Variants in FHIT observed in about 807,000 individuals in gnomAD.
FHIT encodes the protein bis(5'-adenosyl)-triphosphatase.
In FHIT, 19 loss-of-function variants were observed where a neutral mutation model predicts 17.9. That is an observed-to-expected ratio of 1.06 (90% confidence interval 0.74 to 1.56). The LOEUF is 1.56. Among genes scored for constraint, FHIT ranks in the 40% most tolerant of loss-of-function variants. FHIT has a pLI of 0.00. For missense variants in FHIT, 248 were observed against 189.2 expected, an observed-to-expected ratio of 1.31 and a Z score of -1.82; for synonymous variants, 81 against 69.7, an observed-to-expected ratio of 1.16 and a Z score of -0.81.
chr3:60,737,235 A>C (rs918938560), intron 4 of FHIT, among the ~76,000 whole-genome samples: 7 of 152,348 alleles, frequency 4.6e-5, no homozygotes, highest in Non-Finnish European at 7.3e-5. Flanking sequence ...TATGAGCCGG[A>C]TGCATTGTCT....
chr3:61,203,330 C>T (rs2039093091), intron 1 of FHIT, among the ~76,000 whole-genome samples: 1 of 145,710 alleles, frequency 6.9e-6, no homozygotes, highest in Non-Finnish European at 1.5e-5. Context: ...GCCTGGGCAA[C>T]AAGAGAGAAA....
intron 5 of FHIT, among the ~76,000 whole-genome samples, chr3:60,161,558 T>C (rs1461723112): frequency 6.6e-6 from 1 of 152,104 alleles, no homozygotes; most frequent in Non-Finnish European, 1.5e-5. Flanking sequence ...TTCAAGGGCA[T>C]GATTCCTCCT....
rs1553798839 is a variant in FHIT at position 61,014,807 on chromosome 3, A to AAAAAAAATT, written c.-111+27239_-111+27240insAATTTTTTT. ...AAAAAAAAAAAAAAAAAAAAAAAAA[A>AAAAAAAATT]ATATATATATATATATATGTATACA... On this transcript the variant is annotated intron_variant, in intron 3 of 9. Coordinates refer to ENST00000492590, the MANE Select transcript of FHIT (RefSeq NM_002012.4). Among the ~76,000 whole-genome samples the AAAAAAAATT allele has an allele frequency of 8.1e-4, 40 of 49,114 alleles. 1 individual carries two copies. The highest frequency in any genetic ancestry group is 1.9e-3 in the African/African-American group (36 of 18,552). The allele number at this position is 49,114 out of a possible 152,430, so 32.2% of individuals were successfully genotyped here. A position where few individuals can be genotyped will look rare whatever the true frequency, so the allele number is the denominator to read the frequency against.
intron 2 of FHIT, among the ~76,000 whole-genome samples, chr3:61,130,522 G>A (rs2036733771): frequency 6.6e-6 from 1 of 152,102 alleles, no homozygotes; most frequent in South Asian, 2.1e-4. Context: ...CACAGAAATT[G>A]GGGAAATGGA....
intron 3 of FHIT, among the ~76,000 whole-genome samples, chr3:60,953,623 T>C (rs1328788449): frequency 2.0e-5 from 3 of 152,274 alleles, no homozygotes; most frequent in African/African-American, 4.8e-5. Context: ...GTTGTGCCAA[T>C]TGAAAAATGC....
intron 7 of FHIT, among the ~76,000 whole-genome samples, chr3:59,997,517 T>C (rs1441862845): frequency 1.3e-5 from 2 of 152,180 alleles, no homozygotes; most frequent in Non-Finnish European, 2.9e-5. Flanking sequence ...TGCATTTATA[T>C]GTTAAAAGCA....
chr3:61,171,802 G>T (rs2038011741), intron 2 of FHIT, among the ~76,000 whole-genome samples: 2 of 152,152 alleles, frequency 1.3e-5, no homozygotes, highest in Admixed American at 1.3e-4. Context: ...AGACCCTCAG[G>T]CCCCACCTGC....
intron 5 of FHIT, among the ~76,000 whole-genome samples, chr3:60,238,725 G>A (rs553379607): frequency 2.0e-5 from 3 of 152,174 alleles, no homozygotes; most frequent in Non-Finnish European, 4.4e-5. Flanking sequence ...AAAGATCAGA[G>A]CTGAGGAACA....
intron 7 of FHIT, among the ~76,000 whole-genome samples, chr3:59,972,337 T>G (rs1273082612): frequency 1.3e-5 from 2 of 152,038 alleles, no homozygotes; most frequent in Non-Finnish European, 2.9e-5. Context: ...GCAACTCAAG[T>G]GTGTCTCTCA....
intron 5 of FHIT, among the ~76,000 whole-genome samples, chr3:60,324,573 G>GGAAAA (rs757433390): frequency 0.02 from 2,625 of 128,860 alleles, 126 homozygotes; most frequent in African/African-American, 0.071. Context: ...GACTCCATCA[G>GGAAAA]AAAAAAAAAA....
chr3:60,155,158 C>T (rs1700625630), intron 5 of FHIT, among the ~76,000 whole-genome samples: 1 of 140,804 alleles, frequency 7.1e-6, no homozygotes, highest in Admixed American at 7.3e-5. Context: ...TGCACTACAG[C>T]CTGGGTGACA....
At chr3:60,390,252 AATTTGG>A (rs1364250549) in intron 5 of FHIT, among the ~76,000 whole-genome samples, 1 of 152,036 alleles carries the variant, frequency 6.6e-6, no homozygotes, top group Non-Finnish European at 1.5e-5. Context: ...CTTGATTTCA[AATTTGG>A]ATTTTTAATA....
At chr3:60,428,436 T>C (rs1303528369) in intron 5 of FHIT, among the ~76,000 whole-genome samples, 2 of 152,124 alleles carry the variant, frequency 1.3e-5, no homozygotes, top group Non-Finnish European at 2.9e-5. Flanking sequence ...TACTGAACCA[T>C]CAGGGTAAAC....
chr3:60,433,185 T>C (rs1461716904), intron 5 of FHIT, among the ~76,000 whole-genome samples: 3 of 152,126 alleles, frequency 2.0e-5, no homozygotes, highest in Admixed American at 2.0e-4. Flanking sequence ...CTTCTGTGAC[T>C]GGTTAATATC....
intron 3 of FHIT, among the ~76,000 whole-genome samples, chr3:60,923,168 G>A (rs1707374497): frequency 6.6e-6 from 1 of 152,228 alleles, no homozygotes; most frequent in East Asian, 1.9e-4. Context: ...ATCCCACATG[G>A]GTTTACCTAA....
At chr3:60,918,276 AACTG>A (rs1213409414) in intron 3 of FHIT, among the ~76,000 whole-genome samples, 1 of 152,170 alleles carries the variant, frequency 6.6e-6, no homozygotes, top group East Asian at 1.9e-4. Context: ...GCAGTGTGAG[AACTG>A]ACTAATACAC....
chr3:60,173,915 A>ATATATATATATATATATTTTTTTTT lies in FHIT; in HGVS notation c.104-159764_104-159763insAAAAAAAAATATATATATATATATA. Among the ~76,000 whole-genome samples, 56 of 66,404 alleles carry ATATATATATATATATATTTTTTTTT rather than the reference A, an allele frequency of 8.4e-4. 1 individual carries two copies. The highest frequency in any genetic ancestry group is 1.2e-3 in the Non-Finnish European group (43 of 36,092). 43.6% of individuals were successfully genotyped at this position (66,404 alleles called of 152,430 possible). ...TATATATATATATATATATATATAT[A>ATATATATATATATATATTTTTTTTT]TGTTTTTTTTTTTTTTTGAGATCGA... On this transcript the variant is annotated intron_variant, in intron 5 of 9. Coordinates refer to ENST00000492590, the MANE Select transcript of FHIT (RefSeq NM_002012.4).
chr3:60,610,565 C>T (rs1553673120), intron 4 of FHIT, among the ~76,000 whole-genome samples: 2 of 152,090 alleles, frequency 1.3e-5, no homozygotes, highest in Non-Finnish European at 1.5e-5. Context: ...AACAACTTGA[C>T]CTTATTTCAG....
chr3:61,158,711 T>C (rs1387983810), intron 2 of FHIT, among the ~76,000 whole-genome samples: 1 of 152,178 alleles, frequency 6.6e-6, no homozygotes, highest in East Asian at 1.9e-4. Flanking sequence ...CAACACCAGG[T>C]CCAAGTTCAC....
Sources: gnomAD v4.1 joint callset for allele counts (sites outside exome capture counted in the v4.1 genomes callset) on GRCh38, gnomAD v4.1.1 for gene constraint, MANE v1.5 for transcripts, NCBI Gene and HGNC (gene_info 2026-07-23, HGNC 2026-07-21) for gene names.